PRKAA2: variants seen among roughly 807,000 people sequenced by gnomAD.
PRKAA2 encodes protein kinase AMP-activated catalytic subunit alpha 2.
In PRKAA2, 40 loss-of-function variants were observed where a neutral mutation model predicts 56.3. The ratio of observed to expected loss-of-function variants is 0.71; its 90% CI spans 0.55 to 0.92. The LOEUF is 0.92. PRKAA2 is among the 40% of genes least tolerant of loss of function. The pLI, the probability that PRKAA2 is intolerant of heterozygous loss-of-function variation, is 0.00. For synonymous variants in PRKAA2, 214 were observed against 234.2 expected, an observed-to-expected ratio of 0.91 and a Z score of 0.79; for missense variants, 542 against 686.9, an observed-to-expected ratio of 0.79 and a Z score of 2.36.
At chr1:56,679,811 C>T (rs1644140600) in intron 2 of PRKAA2, among the ~76,000 whole-genome samples, 2 of 152,066 alleles carry the variant, frequency 1.3e-5, no homozygotes, top group Non-Finnish European at 2.9e-5. Context: ...CTTTGCTATC[C>T]TGAGACAGCA....
In PRKAA2 at chr1:56,710,666, G is replaced by C. The variant is rs892741353; in HGVS notation, c.*2953G>C. On this transcript the variant is annotated 3_prime_UTR_variant, in exon 9 of 9. Coordinates refer to ENST00000371244, the MANE Select transcript of PRKAA2 (RefSeq NM_006252.4). ...TCGTGAGTGAATGCTGGATTAAATA[G>C]AATTTTCTGTGTCTGCAACTTGTTT... 6 of 152,038 alleles carry C rather than the reference G, an allele frequency of 3.9e-5. No homozygotes were observed. The highest frequency in any genetic ancestry group is 7.4e-5 in the Non-Finnish European group (5 of 67,974). The allele number at this position is 152,038 out of a possible 1,614,324, so 9.4% of individuals were successfully genotyped here. A position where few individuals can be genotyped will look rare whatever the true frequency, so the allele number is the denominator to read the frequency against.
At position 56,708,325 on chromosome 1, in the gene PRKAA2, G is replaced by T. The variant is rs1644346437; in HGVS notation, c.*612G>T. On this transcript the variant is annotated 3_prime_UTR_variant, in exon 9 of 9. Transcript: ENST00000371244. ...TGTAACAGGTAACCACAATTTTCAG[G>T]TTTCTTAAAAACAGCTGTAACTAAC... 6.6e-6 allele frequency: 1 copy of T among 151,978 alleles called. No homozygotes were observed. The highest frequency in any genetic ancestry group is 6.6e-5 in the Admixed American group (1 of 15,236). 9.4% of individuals were successfully genotyped at this position (151,978 alleles called of 1,614,324 possible).
At chr1:56,664,633 A>G (rs1036114862) in intron 1 of PRKAA2, among the ~76,000 whole-genome samples, 4 of 152,110 alleles carry the variant, frequency 2.6e-5, no homozygotes, top group African/African-American at 9.7e-5. Context: ...CAAAGAGAGC[A>G]AATTTTTTTC....
rs550147858 is a variant in PRKAA2 at position 56,683,001 on chromosome 1, A to G, written c.237-8393A>G. Among the ~76,000 whole-genome samples, 4 of 150,214 alleles carry G rather than the reference A, an allele frequency of 2.7e-5. No individual in the cohort carries two copies. The South Asian group carries it at 8.6e-4, about 32-fold the overall frequency. On this transcript the variant is annotated intron_variant, in intron 2 of 8. Coordinates refer to ENST00000371244, the MANE Select transcript of PRKAA2 (RefSeq NM_006252.4). The stretch of plus-strand genomic sequence containing the variant: ...GGTCTAGATGGAGAGAAATGGATGG[A>G]TTTGATATGTATTTTGGAGGGAGAA...
rs1215228350 is a variant in PRKAA2, at chr1:56,713,586, A to G, written c.*5873A>G. On this transcript the variant is annotated 3_prime_UTR_variant, in exon 9 of 9. Coordinates refer to ENST00000371244, the MANE Select transcript of PRKAA2 (RefSeq NM_006252.4). ...TGGCATGAAAACTTTTTTGAATAATACGTAGAATTTTGACAAGGTTCATAC... is the reference window on the plus strand; with the variant it reads ...TGGCATGAAAACTTTTTTGAATAATGCGTAGAATTTTGACAAGGTTCATAC... 2.0e-5 allele frequency: 3 copies of G among 152,072 alleles called. No homozygotes were observed. The highest frequency in any genetic ancestry group is 6.6e-5 in the Admixed American group (1 of 15,248). 9.4% of individuals were successfully genotyped at this position (152,072 alleles called of 1,614,324 possible).
chr1:56,707,712 G>A lies in PRKAA2; in HGVS notation c.1658G>A (p.Ter553=), dbSNP rs2100441683. The A allele has an allele frequency of 1.3e-6, 2 of 1,577,154 alleles. No homozygotes were observed. The highest frequency in any genetic ancestry group is 2.2e-5 in the East Asian group (1 of 44,712). Residue 553 remains the stop codon, a stop_retained_variant, in exon 9 of 9, where the codon TGA becomes TAA. Coordinates refer to ENST00000371244, the MANE Select transcript of PRKAA2 (RefSeq NM_006252.4). ...CASLITTLAR[*] ...AGTCTGATTACTACTTTAGCCCGTTGATCTGTCTCTAGTTTCTTTCTGTTA... is the reference window on the plus strand; with the variant it reads ...AGTCTGATTACTACTTTAGCCCGTTAATCTGTCTCTAGTTTCTTTCTGTTA...
rs1432454398 is a variant in PRKAA2 at position 56,695,837 on chromosome 1, A to G, written c.564-98A>G. On this transcript the variant is annotated intron_variant, in intron 5 of 8. Transcript: ENST00000371244. ...ACTTCATTAAAGACCTTGGAAATGA[A>G]TATGTACTGAATGTAGACTACCTAT... The G allele has an allele frequency of 2.1e-5, 21 of 1,013,276 alleles. 1 individual carries two copies. The highest frequency in any genetic ancestry group is 1.4e-4 in the South Asian group (9 of 65,692). The allele number at this position is 1,013,276 out of a possible 1,614,324, so 62.8% of individuals were successfully genotyped here.
Position 56,685,678 on chromosome 1 carries a change from G to T in PRKAA2, c.237-5716G>T, listed in dbSNP as rs116457473. Among the ~76,000 whole-genome samples, 1,017 of 152,242 alleles carry T rather than the reference G, an allele frequency of 6.7e-3. 6 individuals are homozygous for T. Among genetic ancestry groups the T allele is most frequent in the Middle Eastern group, 0.058 (17 of 294 alleles). On this transcript the variant is annotated intron_variant, in intron 2 of 8. Coordinates refer to ENST00000371244, the MANE Select transcript of PRKAA2 (RefSeq NM_006252.4). ...AATCTGATCAAGTATCTAGATTTAA[G>T]AGTGGGTTAGAAATTGTGCATTTTG...
chr1:56,665,650 C>T (rs2796516), intron 1 of PRKAA2, among the ~76,000 whole-genome samples: 32,668 of 152,086 alleles, frequency 0.21, 4,039 homozygotes, highest in South Asian at 0.46. Context: ...TTTACATTCC[C>T]TCCAGCAACC....
At chr1:56,699,131 A>G (rs1644277588) in intron 6 of PRKAA2, among the ~76,000 whole-genome samples, 3 of 152,208 alleles carry the variant, frequency 2.0e-5, no homozygotes, top group Non-Finnish European at 2.9e-5. Flanking sequence ...ATTGAATATC[A>G]GAAACTGCAA....
At chr1:56,646,811 T>C (rs981057215) in intron 1 of PRKAA2, among the ~76,000 whole-genome samples, 45 of 152,336 alleles carry the variant, frequency 3.0e-4, no homozygotes, top group Non-Finnish European at 3.1e-4. Context: ...CCTGTTTTCT[T>C]GCACATATTT....
chr1:56,713,842 C>G lies in PRKAA2; in HGVS notation c.*6129C>G, dbSNP rs1644385882. On this transcript the variant is annotated 3_prime_UTR_variant, in exon 9 of 9. Coordinates refer to ENST00000371244, the MANE Select transcript of PRKAA2 (RefSeq NM_006252.4). Reference sequence around the variant, plus strand: ...TTTCCTAAAGTGGAAGAGAGATCCACTGTTCTAAAAAAAAAAAAAAAAAAA... The same window carrying G: ...TTTCCTAAAGTGGAAGAGAGATCCAGTGTTCTAAAAAAAAAAAAAAAAAAA... 9.4e-6 allele frequency: 1 copy of G among 106,916 alleles called. No individual in the cohort carries two copies. The highest frequency in any genetic ancestry group is 1.7e-5 in the Non-Finnish European group (1 of 57,792). The allele number at this position is 106,916 out of a possible 1,614,324, so 6.6% of individuals were successfully genotyped here.
At chr1:56,667,567 A>G (rs1364921458) in intron 1 of PRKAA2, among the ~76,000 whole-genome samples, 26 of 152,160 alleles carry the variant, frequency 1.7e-4, no homozygotes, top group Admixed American at 1.6e-3. Context: ...CATAGGCTTT[A>G]GAAAAGGATA....
At position 56,708,723 on chromosome 1, in the gene PRKAA2, G is replaced by A. The variant is rs527969715; in HGVS notation, c.*1010G>A. The A allele has an allele frequency of 6.6e-6, 1 of 152,162 alleles. No homozygotes were observed. Among genetic ancestry groups the A allele is most frequent in the South Asian group, 2.1e-4 (1 of 4,824 alleles). 9.4% of individuals were successfully genotyped at this position (152,162 alleles called of 1,614,324 possible). ...ACCTCACCTAGTCACTATTGTCTTT[G>A]TTCATTGTTTGATCCTGAGTGGTTG... On this transcript the variant is annotated 3_prime_UTR_variant, in exon 9 of 9. Transcript: ENST00000371244.
rs772033065 is a variant in PRKAA2 at position 56,696,035 on chromosome 1, T to C, written c.664T>C (p.Leu222=). 11 of 1,612,794 alleles carry C rather than the reference T, an allele frequency of 6.8e-6. No homozygotes were observed. The Admixed American group carries it at 1.2e-4, about 17-fold the overall frequency. ...ATTTGATGATGAGCATGTACCTACG[T>C]TATTTAAGAAGATCCGAGGGGGTGT... The part of the protein sequence containing the change: ...LPFDDEHVPT[L]FKKIRGGVFY... The change falls in exon 6 of 9, where the codon TTA becomes CTA. Residue 222 remains leucine, a synonymous_variant. Coordinates refer to ENST00000371244, the MANE Select transcript of PRKAA2 (RefSeq NM_006252.4).
chr1:56,656,804 G>A (rs1035448628), intron 1 of PRKAA2, among the ~76,000 whole-genome samples: 9 of 152,146 alleles, frequency 5.9e-5, no homozygotes, highest in African/African-American at 1.4e-4. Flanking sequence ...CCATCCTGAC[G>A]TTCTGTGTTT....
intron 2 of PRKAA2, among the ~76,000 whole-genome samples, chr1:56,682,948 G>A (rs79906664): frequency 0.092 from 13,989 of 152,146 alleles, 884 homozygotes; most frequent in South Asian, 0.26. Flanking sequence ...CATTTCTATC[G>A]TTGTAGGAAG....
chr1:56,714,917 A>C lies in PRKAA2; in HGVS notation c.*7204A>C, dbSNP rs1052750300. The C allele has an allele frequency of 2.6e-5, 4 of 152,218 alleles. No homozygotes were observed. Among genetic ancestry groups the C allele is most frequent in the South Asian group, 2.1e-4 (1 of 4,820 alleles). The allele number at this position is 152,218 out of a possible 1,614,324, so 9.4% of individuals were successfully genotyped here. On this transcript the variant is annotated 3_prime_UTR_variant, in exon 9 of 9. Coordinates refer to ENST00000371244, the MANE Select transcript of PRKAA2 (RefSeq NM_006252.4). Reference sequence around the variant, plus strand: ...TCTTAGCATACCTTTGAAAAAGAAAAAAAAATCCATAGGTTGATACATTGA... The same window carrying C: ...TCTTAGCATACCTTTGAAAAAGAAACAAAAATCCATAGGTTGATACATTGA...
At chr1:56,653,424 A>G (rs1310433142) in intron 1 of PRKAA2, among the ~76,000 whole-genome samples, 4 of 152,062 alleles carry the variant, frequency 2.6e-5, no homozygotes, top group Admixed American at 6.6e-5. Flanking sequence ...TATGTCCACA[A>G]AGGCAGCCTG....
Sources: allele counts gnomAD v4.1 joint callset (sites outside exome capture counted in the v4.1 genomes callset), GRCh38; gene constraint gnomAD v4.1.1; transcripts MANE v1.5; gene names NCBI Gene and HGNC (gene_info 2026-07-23, HGNC 2026-07-21).